The following EXOC4 variants were observed in gnomAD, a reference collection of about 807,000 sequenced individuals.
EXOC4 encodes the protein SEC8-like 1.
In EXOC4, 71 loss-of-function variants were observed where a neutral mutation model predicts 107.2. The observed-to-expected ratio is 0.66, with a 90% CI of 0.55 to 0.81. The LOEUF is 0.81. Among genes scored for constraint, EXOC4 ranks in the 30% least tolerant of loss-of-function variants. EXOC4 has a pLI of 0.00. For synonymous variants in EXOC4, 456 were observed against 441.2 expected (o/e 1.03, Z -0.42); for missense variants, 1,108 against 1,189.6 (o/e 0.93, Z 1.01).
intron 1 of EXOC4, among the ~76,000 whole-genome samples, chr7:133,258,576 G>C (rs1239238775): frequency 6.6e-6 from 1 of 152,160 alleles, no homozygotes; most frequent in East Asian, 1.9e-4. Context: ...AGCACAGTTT[G>C]GCACACGGTA....
At chr7:133,974,703 G>A (rs1793788164) in intron 14 of EXOC4, among the ~76,000 whole-genome samples, 1 of 152,182 alleles carries the variant, frequency 6.6e-6, no homozygotes, top group Admixed American at 6.5e-5. Context: ...AAGCAGCTAA[G>A]CAACCTAAAA....
intron 10 of EXOC4, among the ~76,000 whole-genome samples, chr7:133,670,759 C>T (rs1793927450): frequency 1.3e-5 from 2 of 152,126 alleles, no homozygotes; most frequent in Admixed American, 6.5e-5. Context: ...GCTGTTCAAG[C>T]ATTTACCACC....
intron 7 of EXOC4, among the ~76,000 whole-genome samples, chr7:133,431,777 A>G (rs549281333): frequency 5.5e-4 from 84 of 152,348 alleles, no homozygotes; most frequent in African/African-American, 1.9e-3. Context: ...GTTGAGAATC[A>G]TTGTGCAAAA....
chr7:133,839,677 T>C lies in EXOC4; in HGVS notation c.1734+22133T>C, dbSNP rs116278481. 2.4e-3 allele frequency among the ~76,000 whole-genome samples: 369 copies of C among 152,346 alleles called. 5 individuals are homozygous for C. The highest frequency in any genetic ancestry group is 8.2e-3 in the African/African-American group (341 of 41,580). ...GACTTGTACCAAGACCGGAATCCTG[T>C]AGTGACAGGTGCTTTATAGGAATAT... On this transcript the variant is annotated intron_variant, in intron 11 of 17. Coordinates refer to ENST00000253861, the MANE Select transcript of EXOC4 (RefSeq NM_021807.4).
intron 7 of EXOC4, among the ~76,000 whole-genome samples, chr7:133,424,182 C>G (rs1205688264): frequency 6.6e-6 from 1 of 152,186 alleles, no homozygotes; most frequent in Non-Finnish European, 1.5e-5. Flanking sequence ...ACCTTCCACG[C>G]TCTGGTAGCT....
At position 133,387,943 on chromosome 7, in the gene EXOC4, C is replaced by G. The variant is rs576087247; in HGVS notation, c.1182+12941C>G. Among the ~76,000 whole-genome samples, 3 of 151,358 alleles carry G rather than the reference C, an allele frequency of 2.0e-5. No individual in the cohort carries two copies. In the South Asian group the frequency reaches 6.3e-4, roughly 32 times the overall value. Reference sequence around the variant, plus strand: ...GTATAAATGTATAATATGAACAGCACTATAAAGACCTGGGGGAGATGGGCT... The same window carrying G: ...GTATAAATGTATAATATGAACAGCAGTATAAAGACCTGGGGGAGATGGGCT... On this transcript the variant is annotated intron_variant, in intron 7 of 17. Coordinates refer to ENST00000253861, the MANE Select transcript of EXOC4 (RefSeq NM_021807.4).
chr7:133,481,878 C>T (rs1563082380), intron 9 of EXOC4, among the ~76,000 whole-genome samples: 1 of 152,186 alleles, frequency 6.6e-6, no homozygotes, highest in Non-Finnish European at 1.5e-5. Flanking sequence ...CAGGCTTTCT[C>T]TGCCTCCCAG....
chr7:133,576,822 C>A lies in EXOC4; in HGVS notation c.1418-53223C>A, dbSNP rs111870218. On this transcript the variant is annotated intron_variant, in intron 9 of 17. Transcript: ENST00000253861. The stretch of plus-strand genomic sequence containing the variant: ...TGTGCATGGCAAGTTTTACTGAACT[C>A]CTCGAGATTTAGGGCCAATTAATTC... The A allele has an allele frequency of 3.2e-4, 419 of 1,289,536 alleles. 1 individual carries two copies. The African/African-American group carries it at 5.3e-3, about 16-fold the overall frequency. 79.9% of individuals were successfully genotyped at this position (1,289,536 alleles called of 1,614,324 possible).
At chr7:133,726,297 A>G (rs1428219231) in intron 10 of EXOC4, among the ~76,000 whole-genome samples, 1 of 152,224 alleles carries the variant, frequency 6.6e-6, no homozygotes, top group Non-Finnish European at 1.5e-5. Context: ...CCAGAAAGTG[A>G]TGTTTTAGCA....
intron 9 of EXOC4, among the ~76,000 whole-genome samples, chr7:133,609,564 C>T (rs1281580603): frequency 1.3e-5 from 2 of 152,180 alleles, no homozygotes; most frequent in African/African-American, 2.4e-5. Flanking sequence ...AACTGCAACT[C>T]TCATATTGAC....
chr7:133,268,653 A>G (rs1793793582), intron 1 of EXOC4, among the ~76,000 whole-genome samples: 1 of 152,198 alleles, frequency 6.6e-6, no homozygotes, highest in Non-Finnish European at 1.5e-5. Context: ...AAAATGGGAA[A>G]CAGACAAATT....
intron 17 of EXOC4, among the ~76,000 whole-genome samples, chr7:134,047,517 C>T (rs1258206002): frequency 6.6e-6 from 1 of 152,026 alleles, no homozygotes; most frequent in Non-Finnish European, 1.5e-5. Context: ...CTCCAGACAC[C>T]CCCCAAAGGC....
intron 9 of EXOC4, among the ~76,000 whole-genome samples, chr7:133,588,189 A>G (rs1801451108): frequency 6.6e-6 from 1 of 152,220 alleles, no homozygotes; most frequent in East Asian, 1.9e-4. Context: ...CTATAGTGTA[A>G]TAGACCAATC....
Position 133,994,868 on chromosome 7 carries a change from A to G in EXOC4, c.2207-2624A>G, listed in dbSNP as rs189786469. On this transcript the variant is annotated intron_variant, in intron 14 of 17. Transcript: ENST00000253861. ...GCTTTTTTATAGATTTTCATTTGAC[A>G]TTGAAGAGCTAGTTAATTGCTTTTG... Among the ~76,000 whole-genome samples the G allele has an allele frequency of 1.3e-5, 2 of 152,154 alleles. 1 individual carries two copies. The highest frequency in any genetic ancestry group is 1.3e-4 in the Admixed American group (2 of 15,280).
chr7:133,496,863 A>C (rs569238909), intron 9 of EXOC4, among the ~76,000 whole-genome samples: 2 of 152,300 alleles, frequency 1.3e-5, no homozygotes, highest in East Asian at 1.9e-4. Context: ...GGATTTTGCA[A>C]GTGTGATTAA....
intron 10 of EXOC4, among the ~76,000 whole-genome samples, chr7:133,632,187 T>G (rs1802608135): frequency 6.6e-6 from 1 of 152,182 alleles, no homozygotes. Context: ...ACTTGTTAAG[T>G]CTTTATAAAT....
chr7:133,824,698 C>T (rs1038880595), intron 11 of EXOC4, among the ~76,000 whole-genome samples: 1 of 152,106 alleles, frequency 6.6e-6, no homozygotes, highest in Non-Finnish European at 1.5e-5. Context: ...GAGGACGATC[C>T]TTCCTTGACT....
intron 11 of EXOC4, among the ~76,000 whole-genome samples, chr7:133,872,255 A>AT (rs1303409740): frequency 6.6e-6 from 1 of 152,190 alleles, no homozygotes; most frequent in Admixed American, 6.5e-5. Context: ...ATAAAGGGAT[A>AT]TTTTTTATAA....
chr7:134,092,158 T>C, the EXOC4 span, among the ~76,000 whole-genome samples: 1 of 152,188 alleles, frequency 6.6e-6, no homozygotes, highest in Admixed American at 6.5e-5. Flanking sequence ...GGGTTTCTTT[T>C]TGGGTTGATG....
Sources: allele counts gnomAD v4.1 joint callset (sites outside exome capture counted in the v4.1 genomes callset), GRCh38; gene constraint gnomAD v4.1.1; transcripts MANE v1.5; gene names NCBI Gene and HGNC (gene_info 2026-07-23, HGNC 2026-07-21).